FAP: variants seen among roughly 807,000 people sequenced by gnomAD.
FAP encodes the protein prolyl endopeptidase FAP.
Under a neutral mutation model 126.5 loss-of-function variants are expected in FAP, and 110 were observed. The observed-to-expected ratio is 0.87, with a 90% CI of 0.74 to 1.02. The LOEUF is 1.02. FAP is among the 50% of genes least tolerant of loss of function. The pLI, the probability that FAP is intolerant of heterozygous loss-of-function variation, is 0.00. For missense variants in FAP, 919 were observed against 909.2 expected (o/e 1.01, Z -0.14); for synonymous variants, 334 against 297.3 (o/e 1.12, Z -1.27).
At chr2:162,194,893 A>G in intron 16 of FAP, 145 bp from the exon 17 acceptor site, 1 of 712,138 alleles carries the variant, frequency 1.4e-6, no homozygotes, top group South Asian at 1.6e-5. Flanking sequence ...CATAGAGAAG[A>G]AAACATCACT....
intron 2 of FAP, among the ~76,000 whole-genome samples, chr2:162,242,499 A>G (rs532816120): frequency 2.0e-5 from 3 of 152,328 alleles, no homozygotes; most frequent in African/African-American, 7.2e-5. Context: ...TTAGTAATAA[A>G]AAAAGTCCAT....
In FAP at chr2:162,218,155, C is replaced by T; in HGVS notation, c.608-15G>A. 1 of 1,551,634 alleles carries T rather than the reference C, an allele frequency of 6.4e-7. No homozygotes were observed. The highest frequency in any genetic ancestry group is 8.8e-7 in the Non-Finnish European group (1 of 1,141,836). On this transcript the variant is annotated splice_polypyrimidine_tract_variant and intron_variant, in intron 8 of 25. Transcript: ENST00000188790. ...AAGCATTTCCTCTGAAAAATAAGTA[C>T]TAGGATATTAACTATAATTACATCT...
rs114985443 is a variant in FAP, at chr2:162,198,272, C to T, written c.1402+485G>A. On this transcript the variant is annotated intron_variant, in intron 16 of 25. Coordinates refer to ENST00000188790, the MANE Select transcript of FAP (RefSeq NM_004460.5). ...TGATTGACCTCCGACGTGGGCATCT[C>T]GGGTTTCCAAGCCGTTGTTCATTCC... The T allele has an allele frequency of 9.2e-4, 1,193 of 1,289,912 alleles. 13 individuals carry two copies. The African/African-American group carries it at 0.016, about 18-fold the overall frequency. 79.9% of individuals were successfully genotyped at this position (1,289,912 alleles called of 1,614,324 possible). A position where few individuals can be genotyped will look rare whatever the true frequency, so the allele number is the denominator to read the frequency against.
At chr2:162,189,042 G>T in intron 19 of FAP, 61 bp downstream of exon 19, 1 of 1,045,422 alleles carries the variant, frequency 9.6e-7, no homozygotes, top group Non-Finnish European at 1.5e-6. Flanking sequence ...TTTCATAAAT[G>T]TGTATTTCAT....
At chr2:162,190,490 AT>A (rs1269825455) in intron 17 of FAP, among the ~76,000 whole-genome samples, 4 of 152,104 alleles carry the variant, frequency 2.6e-5, no homozygotes, top group African/African-American at 7.2e-5. Flanking sequence ...GAGCTCAGTT[AT>A]ATTTCACACC....
rs191521885 is a variant in FAP, at chr2:162,226,875, A to G, written c.92-254T>C. On this transcript the variant is annotated intron_variant, in intron 2 of 25. Coordinates refer to ENST00000188790, the MANE Select transcript of FAP (RefSeq NM_004460.5). ...AACTGGCTGGAAACTGTAGAGGAAGATAAAGATTACAGAGGAAGGCCATGC... is the reference window on the plus strand; with the variant it reads ...AACTGGCTGGAAACTGTAGAGGAAGGTAAAGATTACAGAGGAAGGCCATGC... Among the ~76,000 whole-genome samples, 9 of 152,318 alleles carry G rather than the reference A, an allele frequency of 5.9e-5. No homozygotes were observed. In the East Asian group the frequency reaches 1.7e-3, roughly 29 times the overall value.
chr2:162,212,651 G>A (rs1226632268), intron 11 of FAP, among the ~76,000 whole-genome samples: 1 of 152,056 alleles, frequency 6.6e-6, no homozygotes, highest in African/African-American at 2.4e-5. Context: ...CTAATTTCTA[G>A]ATGAAATTTA....
intron 2 of FAP, among the ~76,000 whole-genome samples, chr2:162,229,026 G>T (rs965194576): frequency 6.6e-6 from 1 of 152,010 alleles, no homozygotes; most frequent in Non-Finnish European, 1.5e-5. Flanking sequence ...TTTTTTTAAA[G>T]AATGTTTTTG....
At chr2:162,234,310 T>C (rs546840846) in intron 2 of FAP, among the ~76,000 whole-genome samples, 2 of 152,336 alleles carry the variant, frequency 1.3e-5, no homozygotes, top group Admixed American at 6.5e-5. Context: ...AGTATTGCCA[T>C]CTTAAAAATA....
At chr2:162,225,125 GGAAAATACCGAGGCATAGTAA>G (rs1452718287) in intron 4 of FAP, among the ~76,000 whole-genome samples, 1 of 152,046 alleles carries the variant, frequency 6.6e-6, no homozygotes, top group African/African-American at 2.4e-5. Context: ...ACTTTACCAA[GGAAAATACCGAGGCATAGTAA>G]GATTGCTGTA....
chr2:162,198,462 G>A (rs983213680), intron 16 of FAP, among the ~76,000 whole-genome samples: 4 of 152,226 alleles, frequency 2.6e-5, no homozygotes, highest in Admixed American at 2.6e-4. Context: ...TGGTGGTTAA[G>A]AGCATGGGAC....
intron 7 of FAP, 41 bp from the exon 8 acceptor site, chr2:162,219,224 T>G: frequency 6.3e-7 from 1 of 1,575,796 alleles, no homozygotes; most frequent in Non-Finnish European, 8.6e-7. Flanking sequence ...ACAAATTAAA[T>G]GAAGGCTGTA....
chr2:162,175,957 T>C (rs1402644919), intron 21 of FAP: 1 of 152,134 alleles, frequency 6.6e-6, no homozygotes, highest in Non-Finnish European at 1.5e-5. Flanking sequence ...GAAGTGACTC[T>C]CTGTGTTTAT....
At chr2:162,214,156 G>T in intron 10 of FAP, 83 bp from the exon 11 acceptor site, 1 of 1,326,694 alleles carries the variant, frequency 7.5e-7, no homozygotes, top group Non-Finnish European at 1.0e-6. Context: ...TTTTCTAAAG[G>T]ATATATGTCA....
Position 162,202,915 on chromosome 2 carries a change from T to TG in FAP, c.1179dup (p.Lys394GlnfsTer19). Reference sequence around the variant, plus strand: ...CTGAATATATTTATGGCCTCCCACTTGCCACTTGTAATTTGAATAGCATTT... The same window carrying TG: ...CTGAATATATTTATGGCCTCCCACTTGGCCACTTGTAATTTGAATAGCATTT... On this transcript the variant is annotated frameshift_variant, in exon 14 of 26. Coordinates refer to ENST00000188790, the MANE Select transcript of FAP (RefSeq NM_004460.5). LOFTEE classifies it high-confidence loss of function. 6.2e-7 allele frequency: 1 copy of TG among 1,613,820 alleles called. No individual in the cohort carries two copies.
At chr2:162,212,025 T>C (rs1688957545) in intron 11 of FAP, among the ~76,000 whole-genome samples, 1 of 152,118 alleles carries the variant, frequency 6.6e-6, no homozygotes. Context: ...GAAACAGAGG[T>C]GTTTAGAAAT....
chr2:162,173,078 G>A, intron 24 of FAP, 71 bp downstream of exon 24: 1 of 1,396,788 alleles, frequency 7.2e-7, no homozygotes, highest in Non-Finnish European at 1.0e-6. Flanking sequence ...ATAGGAGGAT[G>A]CTTAATGTTT....
chr2:162,240,378 T>G (rs1690298174), intron 2 of FAP, among the ~76,000 whole-genome samples: 1 of 152,224 alleles, frequency 6.6e-6, no homozygotes, highest in South Asian at 2.1e-4. Flanking sequence ...CTGAAGCTGG[T>G]TCTCCTGGGA....
chr2:162,226,286 C>A (rs1257297751), intron 3 of FAP, among the ~76,000 whole-genome samples: 1 of 152,124 alleles, frequency 6.6e-6, no homozygotes, highest in East Asian at 1.9e-4. Flanking sequence ...TTCAACAATG[C>A]ATTTTCAACT....
Sources: allele counts gnomAD v4.1 joint callset (sites outside exome capture counted in the v4.1 genomes callset), GRCh38; gene constraint gnomAD v4.1.1; transcripts MANE v1.5; gene names NCBI Gene and HGNC (gene_info 2026-07-23, HGNC 2026-07-21).